ACACB: variants seen among roughly 807,000 people sequenced by gnomAD.
ACACB encodes the protein acetyl-CoA carboxylase 2.
A neutral mutation model predicts 278.8 loss-of-function variants in ACACB; 209 were observed. The ratio of observed to expected loss-of-function variants is 0.75; its 90% CI spans 0.67 to 0.84. The LOEUF is 0.84. Ranked by LOEUF, ACACB falls within the 40% of genes least tolerant of loss-of-function variation. The probability of loss-of-function intolerance (pLI) is 0.00; values close to 1 mark genes in which losing one functional copy is unlikely to be tolerated. For missense variants in ACACB, 2,850 were observed against 3,269.0 expected (o/e 0.87, Z 3.13); for synonymous variants, 1,174 against 1,285.6 (o/e 0.91, Z 1.86).
At chr12:109,173,993 C>CT (rs112738180) in intron 6 of ACACB, 139 bp from the exon 7 acceptor site, 6 of 629,576 alleles carry the variant, frequency 9.5e-6, no homozygotes, top group African/African-American at 5.5e-5. Context: ...GGTTAAGCTC[C>CT]TTGAGAGCTG....
chr12:109,256,977 C>A (rs898157239), intron 45 of ACACB, among the ~76,000 whole-genome samples: 18 of 152,166 alleles, frequency 1.2e-4, no homozygotes, highest in African/African-American at 4.3e-4. Context: ...GCAATAAATA[C>A]TAAAGTGCAG....
At chr12:109,258,430 G>C in intron 46 of ACACB, 66 bp downstream of exon 46, 2 of 1,369,524 alleles carry the variant, frequency 1.5e-6, no homozygotes, top group African/African-American at 2.8e-5. Flanking sequence ...GGTCCTGGGC[G>C]TGGGGGTCCC....
intron 28 of ACACB, among the ~76,000 whole-genome samples, chr12:109,231,248 C>G (rs942045061): frequency 6.6e-6 from 1 of 152,170 alleles, no homozygotes; most frequent in African/African-American, 2.4e-5. Flanking sequence ...CTAGCTCTGC[C>G]CACTGTTGCC....
chr12:109,260,588 G>T lies in ACACB; in HGVS notation c.6605G>T (p.Gly2202Val). ...YIPPYAELRG[G>V]SWVVIDATIN... is the part of the protein sequence containing the mutation. ...CCGCCCTATGCGGAGCTCCGGGGAG[G>T]CTCCTGGGTGGTCATAGATGCCACC... The change falls in exon 48 of 53, where the codon GGC becomes GTC. Residue 2202 changes from glycine to valine, a missense_variant. Around this residue, in one of 3 missense-constraint regions of ACACB, gnomAD observed 579 missense variants for 684.6 expected, o/e 0.85. Transcript: ENST00000338432. The T allele has an allele frequency of 6.2e-7, 1 of 1,612,272 alleles. No individual in the cohort carries two copies. The highest frequency in any genetic ancestry group is 1.1e-5 in the South Asian group (1 of 90,808).
chr12:109,123,926 C>T (rs1329625815), intron 1 of ACACB, among the ~76,000 whole-genome samples: 5 of 151,582 alleles, frequency 3.3e-5, no homozygotes, highest in Admixed American at 3.3e-4. Context: ...TGGGCTCAAG[C>T]GATCCTCCTG....
intron 24 of ACACB, among the ~76,000 whole-genome samples, chr12:109,217,364 C>T (rs1208674409): frequency 6.6e-6 from 1 of 152,132 alleles, no homozygotes. Flanking sequence ...CGTGACCACT[C>T]AACACTGCCT....
At chr12:109,193,081 C>G (rs749724537) in intron 15 of ACACB, among the ~76,000 whole-genome samples, 4 of 152,152 alleles carry the variant, frequency 2.6e-5, no homozygotes, top group Admixed American at 2.0e-4. Flanking sequence ...TCCAAGAGAC[C>G]GTTATGGATT....
At chr12:109,206,619 C>T in intron 19 of ACACB, 91 bp from the exon 20 acceptor site, 1 of 1,459,064 alleles carries the variant, frequency 6.9e-7, no homozygotes, top group Non-Finnish European at 9.4e-7. Context: ...ATTACGGAAG[C>T]CGGCAGATCT....
In ACACB at chr12:109,191,782, G is replaced by A. The variant is rs370371428; in HGVS notation, c.2295+19G>A. ...AGTGCAGGTAGGGAGTGAGCTGCCT[G>A]TGTCTCCCCTCTGGATGGCCGAGAC... On this transcript the variant is annotated intron_variant, in intron 14 of 52. Coordinates refer to ENST00000338432, the MANE Select transcript of ACACB (RefSeq NM_001093.4). The A allele has an allele frequency of 4.0e-4, 653 of 1,614,154 alleles. 4 individuals carry two copies. The Middle Eastern group carries it at 0.011, about 28-fold the overall frequency.
Position 109,239,943 on chromosome 12 carries a change from C to T in ACACB, c.4776C>T (p.Ile1592=). Residue 1592 remains isoleucine, a synonymous_variant, in exon 35 of 53, where the codon ATC becomes ATT. Coordinates refer to ENST00000338432, the MANE Select transcript of ACACB (RefSeq NM_001093.4). ...NTSVRTDCNH[I]FLNFVPTVIM... Reference sequence around the variant, plus strand: ...GCGTGCGCACCGACTGCAACCACATCTTCCTCAACTTCGTGCCCACTGTCA... The same window carrying T: ...GCGTGCGCACCGACTGCAACCACATTTTCCTCAACTTCGTGCCCACTGTCA... The T allele has an allele frequency of 3.7e-6, 6 of 1,614,176 alleles. No individual in the cohort carries two copies. Among genetic ancestry groups the T allele is most frequent in the Non-Finnish European group, 5.1e-6 (6 of 1,180,030 alleles).
intron 37 of ACACB, among the ~76,000 whole-genome samples, chr12:109,244,770 G>GTCTC: frequency 6.6e-6 from 1 of 151,952 alleles, no homozygotes; most frequent in Non-Finnish European, 1.5e-5. Context: ...CTGTCTGTCT[G>GTCTC]TCTGCCTCTA....
rs1310686165 is a variant in ACACB at position 109,232,816 on chromosome 12, A to G, written c.4139+10A>G. The G allele has an allele frequency of 6.2e-7, 1 of 1,613,994 alleles. No homozygotes were observed. The highest frequency in any genetic ancestry group is 2.2e-5 in the East Asian group (1 of 44,886). Reference sequence around the variant, plus strand: ...TCGAGGACTTCACCAGGTACCCAGCATGGCCCGGTCTCCAACACCCTGAGC... The same window carrying G: ...TCGAGGACTTCACCAGGTACCCAGCGTGGCCCGGTCTCCAACACCCTGAGC... On this transcript the variant is annotated intron_variant, in intron 29 of 52. Coordinates refer to ENST00000338432, the MANE Select transcript of ACACB (RefSeq NM_001093.4).
At chr12:109,176,864 G>A (rs768396952) in intron 9 of ACACB, among the ~76,000 whole-genome samples, 1 of 152,142 alleles carries the variant, frequency 6.6e-6, no homozygotes, top group African/African-American at 2.4e-5. Context: ...TGATCCACCC[G>A]CCCTGGCCTC....
Position 109,223,795 on chromosome 12 carries a change from C to T in ACACB, c.3793-20C>T. On this transcript the variant is annotated intron_variant, in intron 26 of 52. Transcript: ENST00000338432. ...TGTTCACATTTACTTTTCCTTGTTT[C>T]CCCTTTTCATTTCCCTTAGAAATTA... The T allele has an allele frequency of 6.3e-7, 1 of 1,599,354 alleles. No individual in the cohort carries two copies. Among genetic ancestry groups the T allele is most frequent in the South Asian group, 1.1e-5 (1 of 90,780 alleles).
chr12:109,154,691 G>T (rs1425555598), intron 2 of ACACB: 3 of 152,390 alleles, frequency 2.0e-5, no homozygotes, highest in Non-Finnish European at 4.4e-5. Context: ...ATTTCGGGAT[G>T]GAGCAAGCGC....
At chr12:109,112,724 C>T (rs1427926398), upstream of ACACB, among the ~76,000 whole-genome samples, 1 of 148,320 alleles carries the variant, frequency 6.7e-6, no homozygotes, top group Non-Finnish European at 1.5e-5. Context: ...CCAGGCAACT[C>T]ATTTTGATGA....
rs927132034 is a variant in ACACB, at chr12:109,258,870, A to G, written c.6361-103A>G. The G allele has an allele frequency of 3.4e-6, 5 of 1,459,542 alleles. No homozygotes were observed. The African/African-American group carries it at 7.0e-5, about 20-fold the overall frequency. 90.4% of individuals were successfully genotyped at this position (1,459,542 alleles called of 1,614,324 possible). A position where few individuals can be genotyped will look rare whatever the true frequency, so the allele number is the denominator to read the frequency against. On this transcript the variant is annotated intron_variant, in intron 46 of 52. Coordinates refer to ENST00000338432, the MANE Select transcript of ACACB (RefSeq NM_001093.4). ...CTGGCTCTGGTGCTGGGGCCAGCAC[A>G]GATCAGATCGCCTGCCATCCAGAGC...
chr12:109,245,576 C>A (rs1169152113), intron 37 of ACACB, 50 bp from the exon 38 acceptor site: 14 of 1,589,248 alleles, frequency 8.8e-6, no homozygotes, highest in African/African-American at 1.4e-5. Flanking sequence ...AAAGATAGTT[C>A]TTCCCTACTG....
At chr12:109,176,519 C>G (rs2044288703) in intron 9 of ACACB, among the ~76,000 whole-genome samples, 1 of 152,130 alleles carries the variant, frequency 6.6e-6, no homozygotes, top group Non-Finnish European at 1.5e-5. Flanking sequence ...TTCAGAGATA[C>G]AGGATCAAAA....
Sources: allele counts gnomAD v4.1 joint callset (sites outside exome capture counted in the v4.1 genomes callset), GRCh38; gene constraint gnomAD v4.1.1; regional missense constraint gnomAD v4.1.1; transcripts MANE v1.5; gene names NCBI Gene and HGNC (gene_info 2026-07-23, HGNC 2026-07-21).